The following ADARB2 variants were observed in gnomAD, a reference collection of about 807,000 sequenced individuals.
ADARB2 encodes adenosine deaminase RNA specific B2 (inactive), also known as inactive double-stranded RNA-specific editase B2.
ADARB2 carries 25 observed loss-of-function variants against 62.2 expected under a neutral mutation model. The ratio of observed to expected loss-of-function variants is 0.40; its 90% CI spans 0.29 to 0.56. The LOEUF (loss-of-function observed/expected upper bound fraction) is 0.56. ADARB2 is among the 20% of genes least tolerant of loss of function. ADARB2 has a pLI of 0.43. For missense variants in ADARB2, 1,071 were observed against 1,077.4 expected (o/e 0.99, Z 0.08); for synonymous variants, 572 against 500.8 (o/e 1.14, Z -1.90).
chr10:1,699,414 T>G (rs79047068), intron 1 of ADARB2, among the ~76,000 whole-genome samples: 2 of 1,456 alleles, frequency 1.4e-3, no homozygotes, highest in African/African-American at 3.1e-3. Context: ...GCCAATACAC[T>G]CAATCCCACT....
intron 1 of ADARB2, among the ~76,000 whole-genome samples, chr10:1,527,839 C>T (rs921047872): frequency 6.6e-6 from 1 of 152,164 alleles, no homozygotes; most frequent in African/African-American, 2.4e-5. Flanking sequence ...AGGGGCCCAG[C>T]TGCACGGGGA....
At chr10:1,528,565 C>A (rs1341486993) in intron 1 of ADARB2, among the ~76,000 whole-genome samples, 1 of 152,170 alleles carries the variant, frequency 6.6e-6, no homozygotes, top group Non-Finnish European at 1.5e-5. Flanking sequence ...TGTCTGAGGT[C>A]TTTGGTCATC....
chr10:1,557,578 C>T lies in ADARB2; in HGVS notation c.101-178418G>A, dbSNP rs193171968. ...CAACAGTTCTTCACCTTCCTAATTC[C>T]GAGCTGTTGCCCACATTTGTTTATT... On this transcript the variant is annotated intron_variant, in intron 1 of 9. Coordinates refer to ENST00000381312, the MANE Select transcript of ADARB2 (RefSeq NM_018702.4). 5.9e-3 allele frequency among the ~76,000 whole-genome samples: 896 copies of T among 152,284 alleles called. 9 individuals carry two copies. The highest frequency in any genetic ancestry group is 0.032 in the South Asian group (153 of 4,824).
At chr10:1,539,895 A>T (rs1009243797) in intron 1 of ADARB2, among the ~76,000 whole-genome samples, 2 of 152,202 alleles carry the variant, frequency 1.3e-5, no homozygotes, top group African/African-American at 2.4e-5. Flanking sequence ...ATTGGGTCGG[A>T]AGTAGCTATG....
intron 3 of ADARB2, among the ~76,000 whole-genome samples, chr10:1,347,307 C>T (rs1832090000): frequency 6.6e-6 from 1 of 152,246 alleles, no homozygotes; most frequent in Admixed American, 6.5e-5. Flanking sequence ...CAGCCGGCGT[C>T]CCTGGGACAA....
chr10:1,515,681 C>A (rs1479082885), intron 1 of ADARB2, among the ~76,000 whole-genome samples: 1 of 152,204 alleles, frequency 6.6e-6, no homozygotes, highest in Non-Finnish European at 1.5e-5. Flanking sequence ...CACCTGCCCA[C>A]CCACCCCTCA....
intron 3 of ADARB2, among the ~76,000 whole-genome samples, chr10:1,304,458 C>T (rs1831606499): frequency 6.6e-6 from 1 of 152,034 alleles, no homozygotes; most frequent in African/African-American, 2.4e-5. Context: ...CAACATTAGA[C>T]AGATCAAGGA....
intron 1 of ADARB2, among the ~76,000 whole-genome samples, chr10:1,456,490 G>A (rs2131905095): frequency 6.6e-6 from 1 of 152,168 alleles, no homozygotes; most frequent in East Asian, 1.9e-4. Context: ...CAAAACCTAT[G>A]AACACCCCAC....
At chr10:1,586,444 G>A (rs990990189) in intron 1 of ADARB2, among the ~76,000 whole-genome samples, 1 of 152,232 alleles carries the variant, frequency 6.6e-6, no homozygotes, top group African/African-American at 2.4e-5. Flanking sequence ...ATTTTCAGAT[G>A]CATTTGACTT....
intron 1 of ADARB2, among the ~76,000 whole-genome samples, chr10:1,499,604 A>G (rs1304311105): frequency 1.3e-5 from 2 of 150,998 alleles, no homozygotes; most frequent in Non-Finnish European, 3.0e-5. Flanking sequence ...TTTTTACTCA[A>G]CACTCACTCA....
intron 1 of ADARB2, among the ~76,000 whole-genome samples, chr10:1,614,885 T>C (rs2132022991): frequency 6.6e-6 from 1 of 150,776 alleles, no homozygotes; most frequent in South Asian, 2.1e-4. Context: ...CACTCCAGTA[T>C]GGGTGACAGA....
At position 1,197,664 on chromosome 10, in the gene ADARB2, G is replaced by A. The variant is rs906367777; in HGVS notation, c.1864+2302C>T. On this transcript the variant is annotated intron_variant, in intron 8 of 9. Coordinates refer to ENST00000381312, the MANE Select transcript of ADARB2 (RefSeq NM_018702.4). ...GGTCCATCTCTCAGATTTCATGTTCGTTGCCAAGACCTTGAGGTGGGCTGT... is the reference window on the plus strand; with the variant it reads ...GGTCCATCTCTCAGATTTCATGTTCATTGCCAAGACCTTGAGGTGGGCTGT... 2.6e-5 allele frequency among the ~76,000 whole-genome samples: 4 copies of A among 152,162 alleles called. No homozygotes were observed. In the South Asian group the frequency reaches 6.2e-4, roughly 24 times the overall value.
rs566504176 is a variant in ADARB2, at chr10:1,406,871, G to C, written c.101-27711C>G. ...CTTTCCTACTTCACAGATGATGAATGGGGGGAGTGGCCACAGCTTGCAGGA... is the reference window on the plus strand; with the variant it reads ...CTTTCCTACTTCACAGATGATGAATCGGGGGAGTGGCCACAGCTTGCAGGA... On this transcript the variant is annotated intron_variant, in intron 1 of 9. Coordinates refer to ENST00000381312, the MANE Select transcript of ADARB2 (RefSeq NM_018702.4). Among the ~76,000 whole-genome samples, 11 of 152,280 alleles carry C rather than the reference G, an allele frequency of 7.2e-5. No individual in the cohort carries two copies. The South Asian group carries it at 1.2e-3, about 17-fold the overall frequency.
At chr10:1,610,729 T>A (rs552854287) in intron 1 of ADARB2, among the ~76,000 whole-genome samples, 1 of 150,280 alleles carries the variant, frequency 6.7e-6, no homozygotes, top group Admixed American at 6.7e-5. Flanking sequence ...AGCAGGACTG[T>A]TCATGGAGAT....
At chr10:1,435,361 A>G (rs1426554713) in intron 1 of ADARB2, among the ~76,000 whole-genome samples, 1 of 152,204 alleles carries the variant, frequency 6.6e-6, no homozygotes, top group Non-Finnish European at 1.5e-5. Flanking sequence ...TGGTGGAGAA[A>G]GCTTGTTAAA....
At chr10:1,523,412 G>A (rs1458416092) in intron 1 of ADARB2, among the ~76,000 whole-genome samples, 3 of 152,164 alleles carry the variant, frequency 2.0e-5, no homozygotes, top group Non-Finnish European at 2.9e-5. Flanking sequence ...TGCACGTCAC[G>A]CAGCCCTGAG....
At chr10:1,256,937 A>G (rs1271683054) in intron 4 of ADARB2, among the ~76,000 whole-genome samples, 1 of 152,236 alleles carries the variant, frequency 6.6e-6, no homozygotes, top group Non-Finnish European at 1.5e-5. Context: ...AGGTCTCCTC[A>G]CTGGCACTAA....
At chr10:1,675,618 T>C (rs908246494) in intron 1 of ADARB2, among the ~76,000 whole-genome samples, 5 of 150,002 alleles carry the variant, frequency 3.3e-5, no homozygotes, top group African/African-American at 1.2e-4. Flanking sequence ...GGGGGGTACA[T>C]GGATGTTCTG....
At chr10:1,279,988 G>A (rs1279250885) in intron 3 of ADARB2, among the ~76,000 whole-genome samples, 1 of 152,174 alleles carries the variant, frequency 6.6e-6, no homozygotes, top group Non-Finnish European at 1.5e-5. Flanking sequence ...TGTTGGGATG[G>A]GATGAGTGCA....
Sources: allele counts gnomAD v4.1 joint callset (sites outside exome capture counted in the v4.1 genomes callset), GRCh38; gene constraint gnomAD v4.1.1; transcripts MANE v1.5; gene names NCBI Gene and HGNC (gene_info 2026-07-23, HGNC 2026-07-21).